The following NWD1 variants were observed in gnomAD, a reference collection of about 807,000 sequenced individuals.
The protein encoded by NWD1 is NACHT domain- and WD repeat-containing protein 1.
NWD1 carries 129 observed loss-of-function variants against 135.1 expected under a neutral mutation model. The ratio of observed to expected loss-of-function variants is 0.96; its 90% CI spans 0.83 to 1.11. NWD1 has a LOEUF of 1.11. NWD1 is among the 50% of genes least tolerant of loss of function. The pLI is 0.00. For missense variants in NWD1, 1,740 were observed against 1,851.3 expected, an observed-to-expected ratio of 0.94 and a Z score of 1.10; for synonymous variants, 773 against 786.0, an observed-to-expected ratio of 0.98 and a Z score of 0.28.
Position 16,782,862 on chromosome 19 carries a change from TTC to T in NWD1, c.2731+3399_2731+3400del, listed in dbSNP as rs1491074506. ...GTTTCTTTTTCTTTCTTCCTTTTCCTTCTTTCTTTCTTTCTTTCTTTCTCTTT... is the reference window on the plus strand; with the variant it reads ...GTTTCTTTTTCTTTCTTCCTTTTCCTTTTCTTTCTTTCTTTCTTTCTCTTT... On this transcript the variant is annotated intron_variant, in intron 12 of 18. Transcript: ENST00000524140. Among the ~76,000 whole-genome samples the T allele has an allele frequency of 7.9e-3, 289 of 36,448 alleles. 1 individual carries two copies. Among genetic ancestry groups the T allele is most frequent in the African/African-American group, 0.035 (232 of 6,582 alleles). 23.9% of individuals were successfully genotyped at this position (36,448 alleles called of 152,430 possible). A position where few individuals can be genotyped will look rare whatever the true frequency, so the allele number is the denominator to read the frequency against.
chr19:16,815,570 T>C lies in NWD1; in HGVS notation c.*531T>C. The C allele has an allele frequency of 2.1e-6, 1 of 471,054 alleles. No individual in the cohort carries two copies. The highest frequency in any genetic ancestry group is 3.8e-6 in the Non-Finnish European group (1 of 264,886). 29.2% of individuals were successfully genotyped at this position (471,054 alleles called of 1,614,324 possible). A position where few individuals can be genotyped will look rare whatever the true frequency, so the allele number is the denominator to read the frequency against. ...GTGGCCAATATGCTGCTGTCTCCAA[T>C]TTCAATAGAAAAGAGAGCTTCTCTT... is the stretch of plus-strand genomic sequence containing the variant. On this transcript the variant is annotated 3_prime_UTR_variant, in exon 19 of 19. Coordinates refer to ENST00000524140, the MANE Select transcript of NWD1 (RefSeq NM_001007525.5).
chr19:16,806,086 TG>T (rs917434203), intron 17 of NWD1, among the ~76,000 whole-genome samples: 1 of 152,126 alleles, frequency 6.6e-6, no homozygotes, highest in African/African-American at 2.4e-5. Flanking sequence ...TTGGCCAGAC[TG>T]GTCTCAAACT....
chr19:16,794,446 T>A lies in NWD1; in HGVS notation c.3214-17T>A, dbSNP rs1266721657. The A allele has an allele frequency of 1.3e-6, 2 of 1,522,454 alleles. No individual in the cohort carries two copies. Among genetic ancestry groups the A allele is most frequent in the Non-Finnish European group, 1.8e-6 (2 of 1,098,564 alleles). 94.3% of individuals were successfully genotyped at this position (1,522,454 alleles called of 1,614,324 possible). On this transcript the variant is annotated splice_polypyrimidine_tract_variant and intron_variant, in intron 14 of 18. Coordinates refer to ENST00000524140, the MANE Select transcript of NWD1 (RefSeq NM_001007525.5). Reference sequence around the variant, plus strand: ...AACCCGTGGAAGTGCCTGACAGGCATCCCTGGTTCTGCACAGGTTTCCTCC... The same window carrying A: ...AACCCGTGGAAGTGCCTGACAGGCAACCCTGGTTCTGCACAGGTTTCCTCC...
At chr19:16,789,292 G>T in intron 13 of NWD1, 102 bp downstream of exon 13, 1 of 877,430 alleles carries the variant, frequency 1.1e-6, no homozygotes, top group Non-Finnish European at 1.8e-6. Flanking sequence ...ACAGTGATGG[G>T]GTGGGGGTGT....
chr19:16,754,459 A>G (rs1968705396), intron 6 of NWD1, among the ~76,000 whole-genome samples: 1 of 111,184 alleles, frequency 9.0e-6, no homozygotes, highest in Non-Finnish European at 1.8e-5. Context: ...CATCATCTCT[A>G]TTTTCCATCC....
chr19:16,774,271 A>G (rs1455875048), intron 11 of NWD1, among the ~76,000 whole-genome samples: 2 of 145,072 alleles, frequency 1.4e-5, no homozygotes, highest in East Asian at 4.1e-4. Context: ...CATTCATCCA[A>G]TCATCTACCC....
intron 18 of NWD1, among the ~76,000 whole-genome samples, chr19:16,812,144 C>G (rs1970944108): frequency 6.6e-6 from 1 of 151,910 alleles, no homozygotes; most frequent in African/African-American, 2.4e-5. Flanking sequence ...CCTGTCTCTA[C>G]TAAAAATACA....
intron 17 of NWD1, among the ~76,000 whole-genome samples, chr19:16,802,798 C>G (rs1006847311): frequency 6.6e-6 from 1 of 151,848 alleles, no homozygotes; most frequent in African/African-American, 2.4e-5. Context: ...GTCAGGTGTT[C>G]GAGACTAGCC....
At chr19:16,813,816 C>A (rs541348164) in intron 18 of NWD1, among the ~76,000 whole-genome samples, 3 of 151,696 alleles carry the variant, frequency 2.0e-5, no homozygotes, top group Non-Finnish European at 2.9e-5. Flanking sequence ...TTGGAAACAC[C>A]GTGTCTCTTG....
At chr19:16,746,300 C>T (rs895662362) in intron 5 of NWD1, among the ~76,000 whole-genome samples, 3 of 151,364 alleles carry the variant, frequency 2.0e-5, no homozygotes, top group Non-Finnish European at 4.4e-5. Flanking sequence ...GCGGAGATTG[C>T]AGTGAACCAA....
rs560248721 is a variant in NWD1, at chr19:16,764,939, T to C, written c.2252-95T>C. 8 of 1,337,096 alleles carry C rather than the reference T, an allele frequency of 6.0e-6. No homozygotes were observed. The East Asian group carries it at 1.4e-4, about 23-fold the overall frequency. 82.8% of individuals were successfully genotyped at this position (1,337,096 alleles called of 1,614,324 possible). On this transcript the variant is annotated intron_variant, in intron 9 of 18. Coordinates refer to ENST00000524140, the MANE Select transcript of NWD1 (RefSeq NM_001007525.5). Reference sequence around the variant, plus strand: ...AGTGTCACTACTGCTGAGCCTGAGATGCCCTGGAGGAAATGGAGAGATGAT... The same window carrying C: ...AGTGTCACTACTGCTGAGCCTGAGACGCCCTGGAGGAAATGGAGAGATGAT...
chr19:16,803,460 G>A (rs902419966), intron 17 of NWD1, among the ~76,000 whole-genome samples: 2 of 152,098 alleles, frequency 1.3e-5, no homozygotes, highest in African/African-American at 4.8e-5. Flanking sequence ...CAGGTAGAAA[G>A]TAGCTAGTCA....
At chr19:16,723,555 C>A (rs560633967) in intron 1 of NWD1, among the ~76,000 whole-genome samples, 1 of 152,060 alleles carries the variant, frequency 6.6e-6, no homozygotes, top group Non-Finnish European at 1.5e-5. Context: ...CTCAAGCAAT[C>A]CCCACCTCAG....
At chr19:16,749,108 C>T in intron 5 of NWD1, 31 bp from the exon 6 acceptor site, 2 of 1,549,074 alleles carry the variant, frequency 1.3e-6, no homozygotes, top group Non-Finnish European at 1.8e-6. Flanking sequence ...ATAATGACCA[C>T]ACTTCCTTCC....
chr19:16,751,895 G>C (rs1035187700), intron 6 of NWD1, among the ~76,000 whole-genome samples: 6 of 147,264 alleles, frequency 4.1e-5, no homozygotes, highest in Admixed American at 1.4e-4. Flanking sequence ...AAGAAAGAAA[G>C]AGAAAGAGAG....
chr19:16,780,409 T>C (rs566705662), intron 12 of NWD1, among the ~76,000 whole-genome samples: 1 of 152,062 alleles, frequency 6.6e-6, no homozygotes, highest in African/African-American at 2.4e-5. Flanking sequence ...ACCCACCTCG[T>C]CCTCCCAAAG....
chr19:16,798,493 C>G (rs947782057), intron 16 of NWD1, among the ~76,000 whole-genome samples: 1 of 152,040 alleles, frequency 6.6e-6, no homozygotes, highest in African/African-American at 2.4e-5. Context: ...TGCCTGTAGT[C>G]CTAGCTACTC....
chr19:16,778,476 T>TTTCTTC (rs199535319), intron 11 of NWD1, among the ~76,000 whole-genome samples: 32 of 140,522 alleles, frequency 2.3e-4, no homozygotes, highest in African/African-American at 7.5e-4. Flanking sequence ...TTTTCTTTTC[T>TTTCTTC]TTCTTCTTCT....
chr19:16,780,035 G>A (rs1468689298), intron 12 of NWD1, among the ~76,000 whole-genome samples: 1 of 152,158 alleles, frequency 6.6e-6, no homozygotes, highest in East Asian at 1.9e-4. Flanking sequence ...CAGTCAGTCA[G>A]TGGATTATCT....
Sources: gnomAD v4.1 joint callset for allele counts (sites outside exome capture counted in the v4.1 genomes callset) on GRCh38, gnomAD v4.1.1 for gene constraint, MANE v1.5 for transcripts, NCBI Gene and HGNC (gene_info 2026-07-23, HGNC 2026-07-21) for gene names.